The following NCKAP5 variants were observed in gnomAD, a reference collection of about 807,000 sequenced individuals.
NCKAP5 encodes NCK associated protein 5, also known as nck-associated protein 5.
NCKAP5 carries 92 observed loss-of-function variants against 167.0 expected under a neutral mutation model. The observed-to-expected ratio is 0.55, with a 90% CI of 0.47 to 0.66. The LOEUF is 0.66. Among genes scored for constraint, NCKAP5 ranks in the 30% least tolerant of loss-of-function variants. The probability of loss-of-function intolerance (pLI) is 0.00; values close to 1 mark genes in which losing one functional copy is unlikely to be tolerated. For missense variants in NCKAP5, 2,378 were observed against 2,315.0 expected (o/e 1.03, Z -0.56); for synonymous variants, 891 against 877.4 (o/e 1.02, Z -0.27).
intron 11 of NCKAP5, among the ~76,000 whole-genome samples, chr2:132,823,523 G>C (rs1332248427): frequency 6.6e-6 from 1 of 151,878 alleles, no homozygotes; most frequent in East Asian, 1.9e-4. Flanking sequence ...TCACAACTCA[G>C]TCAGCACTAT....
At chr2:132,760,254 C>T (rs1211167286) in intron 16 of NCKAP5, among the ~76,000 whole-genome samples, 1 of 152,076 alleles carries the variant, frequency 6.6e-6, no homozygotes, top group Non-Finnish European at 1.5e-5. Context: ...CTGATGTAAA[C>T]TCTCTAGAAA....
rs58284884 is a variant in NCKAP5 at position 133,032,797 on chromosome 2, G to T, written c.342-38558C>A. 7.9e-3 allele frequency among the ~76,000 whole-genome samples: 1,207 copies of T among 152,274 alleles called. 12 individuals are homozygous for T. The highest frequency in any genetic ancestry group is 0.027 in the African/African-American group (1,106 of 41,562). ...TGCAGGTTGTACAGAAAGCATGGTT[G>T]GGGAGGCCTCAGGAAACTTACAATC... On this transcript the variant is annotated intron_variant, in intron 6 of 19. Transcript: ENST00000409261.
At chr2:132,673,343 T>C (rs771072171) in intron 19 of NCKAP5, 38 bp from the exon 20 acceptor site, 7 of 1,384,974 alleles carry the variant, frequency 5.1e-6, no homozygotes, top group South Asian at 1.3e-5. Flanking sequence ...AACATATTTC[T>C]TTGGAAAATC....
At chr2:133,485,214 T>C (rs1218194173) in intron 3 of NCKAP5, among the ~76,000 whole-genome samples, 3 of 152,126 alleles carry the variant, frequency 2.0e-5, no homozygotes, top group Non-Finnish European at 4.4e-5. Context: ...GGTATGTAAT[T>C]ACGTTTATAT....
In NCKAP5 at chr2:133,138,029, G is replaced by A. The variant is rs111908190; in HGVS notation, c.208-7918C>T. Among the ~76,000 whole-genome samples, 1,129 of 152,282 alleles carry A rather than the reference G, an allele frequency of 7.4e-3. 10 individuals are homozygous for A. Among genetic ancestry groups the A allele is most frequent in the Middle Eastern group, 0.044 (13 of 294 alleles). On this transcript the variant is annotated intron_variant, in intron 5 of 19. Transcript: ENST00000409261. ...GTAGGCACGTAAAAGAAAGTGGAGGGAAAGGGGAAGGGGTGTCTGTAATGA... is the reference window on the plus strand; with the variant it reads ...GTAGGCACGTAAAAGAAAGTGGAGGAAAAGGGGAAGGGGTGTCTGTAATGA...
chr2:133,524,317 A>G (rs1684698082), intron 2 of NCKAP5, among the ~76,000 whole-genome samples: 1 of 152,138 alleles, frequency 6.6e-6, no homozygotes, highest in Non-Finnish European at 1.5e-5. Context: ...TTAATCTGCA[A>G]ACCCTGACCC....
At chr2:133,133,955 A>T (rs2082697683) in intron 5 of NCKAP5, among the ~76,000 whole-genome samples, 1 of 152,216 alleles carries the variant, frequency 6.6e-6, no homozygotes, top group Non-Finnish European at 1.5e-5. Flanking sequence ...CTCTGCTGTA[A>T]CATTTCTTTT....
intron 4 of NCKAP5, among the ~76,000 whole-genome samples, chr2:133,266,909 G>A (rs1209853795): frequency 6.6e-6 from 1 of 152,174 alleles, no homozygotes; most frequent in Non-Finnish European, 1.5e-5. Context: ...TGATGAGGAG[G>A]CTGGGGCCCA....
chr2:133,297,165 C>CAGTG (rs1553610622), intron 4 of NCKAP5, among the ~76,000 whole-genome samples: 2 of 122,164 alleles, frequency 1.6e-5, no homozygotes, highest in Non-Finnish European at 3.4e-5. Flanking sequence ...CAGGTTGTCA[C>CAGTG]AGTGTGTGTG....
chr2:133,274,176 G>C (rs1486584010), intron 4 of NCKAP5, among the ~76,000 whole-genome samples: 1 of 151,764 alleles, frequency 6.6e-6, no homozygotes, highest in Non-Finnish European at 1.5e-5. Context: ...ATCAGATATA[G>C]TAAGAGAGCA....
At chr2:133,371,051 T>C (rs1198635108) in intron 3 of NCKAP5, among the ~76,000 whole-genome samples, 1 of 152,220 alleles carries the variant, frequency 6.6e-6, no homozygotes, top group Non-Finnish European at 1.5e-5. Flanking sequence ...CATAAATCTT[T>C]GCTTCTCAAC....
At chr2:132,802,180 C>T (rs536034694) in intron 11 of NCKAP5, among the ~76,000 whole-genome samples, 11 of 152,244 alleles carry the variant, frequency 7.2e-5, no homozygotes, top group Non-Finnish European at 1.2e-4. Context: ...GGCTGCTCCC[C>T]GTCTTGGTGA....
chr2:133,327,280 C>A (rs536943140), intron 3 of NCKAP5, among the ~76,000 whole-genome samples: 2 of 152,302 alleles, frequency 1.3e-5, no homozygotes, highest in South Asian at 4.1e-4. Context: ...AGGGCTGTTT[C>A]TTTTTCCCTT....
At chr2:132,961,575 C>T (rs1187891425) in intron 8 of NCKAP5, among the ~76,000 whole-genome samples, 1 of 152,104 alleles carries the variant, frequency 6.6e-6, no homozygotes. Context: ...TTACAGATAT[C>T]ATCTATTGCA....
At chr2:133,541,346 G>T (rs1370158796) in intron 2 of NCKAP5, among the ~76,000 whole-genome samples, 1 of 151,916 alleles carries the variant, frequency 6.6e-6, no homozygotes, top group Non-Finnish European at 1.5e-5. Context: ...AACTAAAGTT[G>T]GGAACTACAT....
chr2:133,634,971 C>T, the NCKAP5 span, among the ~76,000 whole-genome samples: 1 of 151,594 alleles, frequency 6.6e-6, no homozygotes, highest in Non-Finnish European at 1.5e-5. Context: ...CTGGGTTCAA[C>T]CTATTCTCCT....
rs1681102808 is a variant in NCKAP5 at position 133,309,809 on chromosome 2, A to G, written c.70-6699T>C. On this transcript the variant is annotated intron_variant, in intron 3 of 19. Transcript: ENST00000409261. Reference sequence around the variant, plus strand: ...ATAAATGAATTCTAATGATGTGAGGATCTTAAGTATCATTCATATTAAGTG... The same window carrying G: ...ATAAATGAATTCTAATGATGTGAGGGTCTTAAGTATCATTCATATTAAGTG... Among the ~76,000 whole-genome samples, 2 of 152,228 alleles carry G rather than the reference A, an allele frequency of 1.3e-5. 1 individual carries two copies. Among genetic ancestry groups the G allele is most frequent in the South Asian group, 4.1e-4 (2 of 4,838 alleles).
At chr2:133,638,123 G>A in the NCKAP5 span, among the ~76,000 whole-genome samples, 2 of 152,258 alleles carry the variant, frequency 1.3e-5, no homozygotes, top group South Asian at 2.1e-4. Flanking sequence ...ATGAAGTCAA[G>A]GAGGTATATT....
At position 133,390,366 on chromosome 2, in the gene NCKAP5, T is replaced by C. The variant is rs751322377; in HGVS notation, c.70-87256A>G. 2.0e-5 allele frequency among the ~76,000 whole-genome samples: 3 copies of C among 152,182 alleles called. No individual in the cohort carries two copies. In the East Asian group the frequency reaches 5.8e-4, roughly 29 times the overall value. ...TGACTCTCCTGTTGAATGTGGCTAT[T>C]ATGTGCATACCAGGGAGGACATAAA... On this transcript the variant is annotated intron_variant, in intron 3 of 19. Transcript: ENST00000409261.
Sources: allele counts gnomAD v4.1 joint callset (sites outside exome capture counted in the v4.1 genomes callset), GRCh38; gene constraint gnomAD v4.1.1; transcripts MANE v1.5; gene names NCBI Gene and HGNC (gene_info 2026-07-23, HGNC 2026-07-21).